Variants in ERBB4 observed in about 807,000 individuals in gnomAD.
ERBB4 encodes erb-b2 receptor tyrosine kinase 4, also known as receptor tyrosine-protein kinase erbB-4.
Under a neutral mutation model 158.0 loss-of-function variants are expected in ERBB4, and 42 were observed. The ratio of observed to expected loss-of-function variants is 0.27; its 90% confidence interval spans 0.21 to 0.34. The LOEUF is 0.34. Ranked by LOEUF, ERBB4 falls within the 10% of genes least tolerant of loss-of-function variation. The probability of loss-of-function intolerance (pLI) is 1.00; values close to 1 mark genes in which losing one functional copy is unlikely to be tolerated. For synonymous variants in ERBB4, 583 were observed against 558.7 expected (o/e 1.04, Z -0.61); for missense variants, 1,333 against 1,624.1 (o/e 0.82, Z 3.08).
intron 1 of ERBB4, among the ~76,000 whole-genome samples, chr2:212,351,749 A>C (rs1030956025): frequency 6.6e-6 from 1 of 152,176 alleles, no homozygotes; most frequent in Non-Finnish European, 1.5e-5. Flanking sequence ...CCACTAATGG[A>C]GCATATAATC....
chr2:211,726,430 C>T (rs760370551), intron 5 of ERBB4, among the ~76,000 whole-genome samples: 4 of 152,216 alleles, frequency 2.6e-5, no homozygotes, highest in South Asian at 2.1e-4. Context: ...CAGAACATAA[C>T]TCTTCTTCCC....
intron 20 of ERBB4, among the ~76,000 whole-genome samples, chr2:211,462,773 G>A (rs144737354): frequency 6.6e-6 from 1 of 152,168 alleles, no homozygotes; most frequent in African/African-American, 2.4e-5. Flanking sequence ...AATATTGTCA[G>A]CTCTCTACAT....
At chr2:212,181,333 G>A (rs1396846831) in intron 1 of ERBB4, among the ~76,000 whole-genome samples, 36 of 151,392 alleles carry the variant, frequency 2.4e-4, no homozygotes, top group Admixed American at 2.2e-3. Flanking sequence ...TTGAATATGT[G>A]GTATATAAGA....
chr2:212,472,471 TC>T (rs1220964440), intron 1 of ERBB4, among the ~76,000 whole-genome samples: 3 of 151,700 alleles, frequency 2.0e-5, no homozygotes, highest in Admixed American at 2.0e-4. Context: ...CTTCTCATAC[TC>T]CTTACAAATA....
intron 1 of ERBB4, among the ~76,000 whole-genome samples, chr2:212,332,362 T>C (rs1264602090): frequency 2.0e-5 from 3 of 152,054 alleles, no homozygotes; most frequent in African/African-American, 2.4e-5. Context: ...ATTAAACTTC[T>C]TTCTTTTGTA....
chr2:212,022,394 A>T (rs561591701), intron 2 of ERBB4, among the ~76,000 whole-genome samples: 13 of 152,258 alleles, frequency 8.5e-5, no homozygotes, highest in African/African-American at 3.1e-4. Context: ...GACGTGGATG[A>T]AGCTGGAAGC....
chr2:212,116,798 T>C (rs904577870), intron 2 of ERBB4, among the ~76,000 whole-genome samples: 4 of 152,340 alleles, frequency 2.6e-5, no homozygotes, highest in East Asian at 1.9e-4. Context: ...AAAATAAATG[T>C]TTAAATAAAT....
chr2:211,780,308 G>A (rs1052069732), intron 4 of ERBB4, among the ~76,000 whole-genome samples: 4 of 152,140 alleles, frequency 2.6e-5, no homozygotes, highest in Non-Finnish European at 4.4e-5. Context: ...AGGCTCCAGT[G>A]AGCTGTGATT....
chr2:211,510,457 T>C (rs2065859246), intron 20 of ERBB4, among the ~76,000 whole-genome samples: 1 of 152,224 alleles, frequency 6.6e-6, no homozygotes, highest in Non-Finnish European at 1.5e-5. Flanking sequence ...GTGTGTCCCC[T>C]GAATCTAAAT....
chr2:211,494,380 G>C (rs141900225), intron 20 of ERBB4, among the ~76,000 whole-genome samples: 54 of 151,304 alleles, frequency 3.6e-4, no homozygotes, highest in African/African-American at 1.3e-3. Flanking sequence ...AAACAAGTAA[G>C]AGTGAAGTTC....
intron 13 of ERBB4, among the ~76,000 whole-genome samples, chr2:211,676,729 C>G (rs940329687): frequency 1.3e-5 from 2 of 152,152 alleles, no homozygotes; most frequent in African/African-American, 2.4e-5. Context: ...ATAATTTCCT[C>G]TTTAGTATTG....
chr2:211,419,597 C>T (rs925563546), intron 25 of ERBB4, among the ~76,000 whole-genome samples: 1 of 152,036 alleles, frequency 6.6e-6, no homozygotes, highest in Non-Finnish European at 1.5e-5. Flanking sequence ...ATGCTCCGTA[C>T]TGGTCAGTGA....
chr2:212,391,249 A>G (rs1207214563), intron 1 of ERBB4, among the ~76,000 whole-genome samples: 1 of 151,754 alleles, frequency 6.6e-6, no homozygotes, highest in East Asian at 1.9e-4. Context: ...TAATTAGAAC[A>G]ATAATAAGTT....
chr2:212,478,796 G>GT, intron 1 of ERBB4, among the ~76,000 whole-genome samples: 1 of 151,892 alleles, frequency 6.6e-6, no homozygotes, highest in Non-Finnish European at 1.5e-5. Context: ...CAAAAGATAA[G>GT]TAAAAACTGG....
rs1277091770 is a variant in ERBB4, at chr2:211,704,202, T to G, written c.1199-8A>C. The G allele has an allele frequency of 1.9e-6, 3 of 1,556,676 alleles. No individual in the cohort carries two copies. Among genetic ancestry groups the G allele is most frequent in the Non-Finnish European group, 2.7e-6 (3 of 1,127,816 alleles). On this transcript the variant is annotated splice_region_variant and splice_polypyrimidine_tract_variant and intron_variant, in intron 10 of 27. Coordinates refer to ENST00000342788, the MANE Select transcript of ERBB4 (RefSeq NM_005235.3). ...ACTGTATGTTCAGGAAACCTACAAG[T>G]GAAGAGTAGAAAAAATAAATCAGAA...
In ERBB4 at chr2:211,507,231, C is replaced by A. The variant is rs1188480513; in HGVS notation, c.2487+54672G>T. On this transcript the variant is annotated intron_variant, in intron 20 of 27. Transcript: ENST00000342788. Reference sequence around the variant, plus strand: ...ATCAGTAATAAAAAACATCTTTCATCAATAAAAGCCCAGGACCAGATGGAT... The same window carrying A: ...ATCAGTAATAAAAAACATCTTTCATAAATAAAAGCCCAGGACCAGATGGAT... Among the ~76,000 whole-genome samples the A allele has an allele frequency of 2.1e-4, 32 of 151,968 alleles. 1 individual carries two copies. Among genetic ancestry groups the A allele is most frequent in the Admixed American group, 2.1e-3 (32 of 15,274 alleles).
In ERBB4 at chr2:212,089,635, T is replaced by C. The variant is rs145202878; in HGVS notation, c.234+35117A>G. Among the ~76,000 whole-genome samples the C allele has an allele frequency of 6.5e-4, 99 of 152,258 alleles. 1 individual carries two copies. In the East Asian group the frequency reaches 0.017, roughly 26 times the overall value. ...CCTGCTCCTGCCATGCAGATGTCTGTTCCCACTTTGACTTCTGCCATGAGT... is the reference window on the plus strand; with the variant it reads ...CCTGCTCCTGCCATGCAGATGTCTGCTCCCACTTTGACTTCTGCCATGAGT... On this transcript the variant is annotated intron_variant, in intron 2 of 27. Transcript: ENST00000342788.
intron 1 of ERBB4, among the ~76,000 whole-genome samples, chr2:212,525,219 A>AT (rs990043429): frequency 1.6e-4 from 25 of 151,960 alleles, no homozygotes; most frequent in Middle Eastern, 3.4e-3. Context: ...CAGTAAAGTT[A>AT]TTTTTTTTCA....
At chr2:212,426,917 C>T (rs937390582) in intron 1 of ERBB4, among the ~76,000 whole-genome samples, 7 of 151,990 alleles carry the variant, frequency 4.6e-5, no homozygotes, top group East Asian at 1.9e-4. Flanking sequence ...TGTTTGCAAA[C>T]GGGATAAATA....
Sources: gnomAD v4.1 joint callset for allele counts (sites outside exome capture counted in the v4.1 genomes callset) on GRCh38, gnomAD v4.1.1 for gene constraint, MANE v1.5 for transcripts, NCBI Gene and HGNC (gene_info 2026-07-23, HGNC 2026-07-21) for gene names.